Variants in DIS3L2 observed in about 807,000 individuals in gnomAD.
The protein encoded by DIS3L2 is DIS3 like 3'-5' exoribonuclease 2, also known as DIS3-like exonuclease 2.
In DIS3L2, 34 loss-of-function variants were observed where a neutral mutation model predicts 97.5. That is an observed-to-expected ratio of 0.35 (90% CI 0.27 to 0.46). The LOEUF is 0.46. Ranked by LOEUF, DIS3L2 falls within the 20% of genes least tolerant of loss-of-function variation. The pLI is 1.00. For missense variants in DIS3L2, 1,038 were observed against 1,146.0 expected, an observed-to-expected ratio of 0.91 and a Z score of 1.36; for synonymous variants, 435 against 445.2, an observed-to-expected ratio of 0.98 and a Z score of 0.29.
intron 8 of DIS3L2, among the ~76,000 whole-genome samples, chr2:232,144,897 GA>G (rs1259930477): frequency 1.3e-5 from 2 of 152,186 alleles, no homozygotes; most frequent in African/African-American, 4.8e-5. Context: ...ACATTATTGG[GA>G]AAGATACCAC....
chr2:232,154,772 C>G (rs1690431423), intron 8 of DIS3L2, among the ~76,000 whole-genome samples: 1 of 148,534 alleles, frequency 6.7e-6, no homozygotes, highest in Non-Finnish European at 1.5e-5. Flanking sequence ...CTAAGCAAGC[C>G]TGGGCAATGG....
At chr2:232,157,153 T>C (rs1690515368) in intron 8 of DIS3L2, among the ~76,000 whole-genome samples, 1 of 152,220 alleles carries the variant, frequency 6.6e-6, no homozygotes, top group Admixed American at 6.5e-5. Flanking sequence ...GTCAGGGTTC[T>C]TGTAGTCTCA....
intron 3 of DIS3L2, among the ~76,000 whole-genome samples, chr2:232,020,726 A>G (rs993302687): frequency 6.6e-6 from 1 of 152,062 alleles, no homozygotes; most frequent in Admixed American, 6.6e-5. Flanking sequence ...AAAGCGGGCA[A>G]TTTTCTTAAC....
At chr2:232,335,115 C>T (rs1273553932) in intron 19 of DIS3L2, 2 of 220,000 alleles carry the variant, frequency 9.1e-6, no homozygotes, top group Non-Finnish European at 1.8e-5. Flanking sequence ...GTCCCTGGCT[C>T]GGCTCCTGCC....
intron 1 of DIS3L2, among the ~76,000 whole-genome samples, chr2:231,972,419 G>A (rs572905611): frequency 6.6e-6 from 1 of 152,286 alleles, no homozygotes; most frequent in African/African-American, 2.4e-5. Context: ...CTGTTGGGAT[G>A]GCTGTACTGT....
At chr2:232,323,059 G>A (rs577904659) in intron 14 of DIS3L2, among the ~76,000 whole-genome samples, 37 of 152,358 alleles carry the variant, frequency 2.4e-4, no homozygotes, top group African/African-American at 7.2e-4. Context: ...CTGTGTGCCC[G>A]TGCCACCCCT....
rs146114204 is a variant in DIS3L2 at position 232,182,470 on chromosome 2, C to G, written c.1124+18838C>G. 1.6e-3 allele frequency among the ~76,000 whole-genome samples: 247 copies of G among 152,030 alleles called. 2 individuals carry two copies. The highest frequency in any genetic ancestry group is 5.6e-3 in the African/African-American group (233 of 41,488). Reference sequence around the variant, plus strand: ...TAGTTTTGTTTAAGCTTTCTATTTTCTTGTTTATCTTTTGTTTATTTTTTA... The same window carrying G: ...TAGTTTTGTTTAAGCTTTCTATTTTGTTGTTTATCTTTTGTTTATTTTTTA... On this transcript the variant is annotated intron_variant, in intron 9 of 20. Coordinates refer to ENST00000325385, the MANE Select transcript of DIS3L2 (RefSeq NM_152383.5).
chr2:232,070,530 A>C (rs1392397406), intron 5 of DIS3L2, among the ~76,000 whole-genome samples: 1 of 150,420 alleles, frequency 6.6e-6, no homozygotes, highest in African/African-American at 2.5e-5. Context: ...CCTGCTTCTC[A>C]CTCTTCGTTA....
At chr2:232,116,796 C>T (rs1697727316) in intron 6 of DIS3L2, among the ~76,000 whole-genome samples, 1 of 150,430 alleles carries the variant, frequency 6.6e-6, no homozygotes, top group African/African-American at 2.5e-5. Context: ...CCCTGGTTTT[C>T]AGATAATGCT....
chr2:232,069,501 T>C (rs1179812888), intron 5 of DIS3L2, among the ~76,000 whole-genome samples: 1 of 152,214 alleles, frequency 6.6e-6, no homozygotes, highest in Non-Finnish European at 1.5e-5. Context: ...TATTCTTTAC[T>C]AGTGTTGAAA....
intron 13 of DIS3L2, among the ~76,000 whole-genome samples, chr2:232,295,048 T>C (rs1470425325): frequency 6.6e-6 from 1 of 152,122 alleles, no homozygotes; most frequent in Non-Finnish European, 1.5e-5. Context: ...CCTCATACCT[T>C]CCTGGCAGAT....
At position 232,276,744 on chromosome 2, in the gene DIS3L2, T is replaced by TGG. The variant is rs1694152456; in HGVS notation, c.1659+13304_1659+13305insGG. 1.3e-5 allele frequency among the ~76,000 whole-genome samples: 2 copies of TGG among 152,234 alleles called. No individual in the cohort carries two copies. The highest frequency in any genetic ancestry group is 1.3e-4 in the Admixed American group (2 of 15,288). On this transcript the variant is annotated intron_variant, in intron 13 of 20. Coordinates refer to ENST00000325385, the MANE Select transcript of DIS3L2 (RefSeq NM_152383.5). This position sits in a 1 kb window ranked among gnomAD's most constrained non-coding sequence, Gnocchi z 4.4. ...GGGTTCTGATCCCGACTCCCTCACT[T>TGG]AGCTGTGTGACTCTAACTCTTCTGT...
At chr2:232,051,282 G>T (rs1175111819) in intron 5 of DIS3L2, among the ~76,000 whole-genome samples, 2 of 152,162 alleles carry the variant, frequency 1.3e-5, no homozygotes, top group Non-Finnish European at 2.9e-5. Flanking sequence ...CTGACAAGTA[G>T]TAGGTACTTT....
At chr2:231,974,012 T>A (rs1312141935) in intron 1 of DIS3L2, among the ~76,000 whole-genome samples, 1 of 152,176 alleles carries the variant, frequency 6.6e-6, no homozygotes, top group Non-Finnish European at 1.5e-5. Context: ...ACCTTGTTTT[T>A]AAAAAGCTTC....
rs1252251777 is a variant in DIS3L2, at chr2:232,274,918, TTTTCTCATTTTG to T, written c.1659+11482_1659+11493del. On this transcript the variant is annotated intron_variant, in intron 13 of 20. Coordinates refer to ENST00000325385, the MANE Select transcript of DIS3L2 (RefSeq NM_152383.5). ...GGAAACCTATTTAATTGTCCTATCT[TTTTCTCATTTTG>T]TTTGATCTCAAACCAGCCTGTGAGA... is the stretch of plus-strand genomic sequence containing the variant. Among the ~76,000 whole-genome samples the T allele has an allele frequency of 3.9e-4, 59 of 152,308 alleles. 1 individual carries two copies. Among genetic ancestry groups the T allele is most frequent in the African/African-American group, 1.4e-3 (57 of 41,564 alleles).
intron 8 of DIS3L2, among the ~76,000 whole-genome samples, chr2:232,142,100 A>G (rs1690066090): frequency 6.6e-6 from 1 of 152,170 alleles, no homozygotes; most frequent in African/African-American, 2.4e-5. Flanking sequence ...GCTCTGAGGG[A>G]GAAACCAAGT....
At chr2:232,332,888 G>A (rs527760708) in intron 16 of DIS3L2, among the ~76,000 whole-genome samples, 1 of 152,154 alleles carries the variant, frequency 6.6e-6, no homozygotes, top group Non-Finnish European at 1.5e-5. Flanking sequence ...GCCTAGGCTG[G>A]AGAGGAAGCT....
intron 9 of DIS3L2, among the ~76,000 whole-genome samples, chr2:232,184,463 C>A (rs1376323922): frequency 6.6e-6 from 1 of 152,052 alleles, no homozygotes; most frequent in Admixed American, 6.6e-5. Context: ...CTAGCCTGGG[C>A]AACACAGCAA....
At chr2:231,998,018 G>A (rs992426542) in intron 1 of DIS3L2, among the ~76,000 whole-genome samples, 6 of 152,142 alleles carry the variant, frequency 3.9e-5, no homozygotes, top group Admixed American at 2.0e-4. Context: ...ATTTGGAACA[G>A]TTTTTCCTTT....
Sources: allele counts gnomAD v4.1 joint callset (sites outside exome capture counted in the v4.1 genomes callset), GRCh38; gene constraint gnomAD v4.1.1; non-coding constraint Gnocchi (gnomAD v3.1); transcripts MANE v1.5; gene names NCBI Gene and HGNC (gene_info 2026-07-23, HGNC 2026-07-21).